MAMLD1: variants seen among roughly 807,000 people sequenced by gnomAD.
MAMLD1 encodes mastermind like domain containing 1.
In MAMLD1, 14 loss-of-function variants were observed where a neutral mutation model predicts 45.0. The observed-to-expected ratio is 0.31, with a 90% confidence interval of 0.21 to 0.49. The LOEUF (loss-of-function observed/expected upper bound fraction) is 0.49, where lower values mean the gene tolerates loss of function less well. Among genes scored for constraint, MAMLD1 ranks in the 20% least tolerant of loss-of-function variants. MAMLD1 has a pLI of 0.99. For missense variants in MAMLD1, 543 were observed against 603.6 expected (o/e 0.90, Z 1.05); for synonymous variants, 254 against 247.8 (o/e 1.02, Z -0.24).
intron 7 of MAMLD1, among the ~76,000 whole-genome samples, chrX:150,510,287 C>G (rs1333331611): frequency 8.9e-6 from 1 of 111,946 alleles, no homozygotes; most frequent in Non-Finnish European, 1.9e-5. Flanking sequence ...TGAGTCAGGC[C>G]CCTTAAAGCA....
At position 150,469,892 on chromosome X, in the gene MAMLD1, G is replaced by A; in HGVS notation, c.319G>A (p.Glu107Lys). 1 of 1,211,870 alleles carries A rather than the reference G, an allele frequency of 8.3e-7. No individual in the cohort carries two copies. The highest frequency in any genetic ancestry group is 1.8e-5 in the South Asian group (1 of 56,992). ...PGAHPSTACAELQVPPLTINP... is the reference protein window; with the variant it reads ...PGAHPSTACAKLQVPPLTINP... ...TGCTCATCCTAGTACTGCTTGTGCA[G>A]AACTGCAGGTCCCTCCATTGACAAT... is the stretch of plus-strand genomic sequence containing the variant. The change falls in exon 4 of 8, where the codon GAA (glutamate) becomes AAA (lysine). Residue 107 changes from glutamate to lysine, a missense_variant. Transcript: ENST00000370401.
intron 5 of MAMLD1, among the ~76,000 whole-genome samples, chrX:150,490,694 A>C (rs2283742): frequency 0.16 from 18,366 of 111,458 alleles, 1,330 homozygotes; most frequent in Admixed American, 0.29. Flanking sequence ...GAGGTTGTCT[A>C]GTTCGACTAC....
intron 5 of MAMLD1, among the ~76,000 whole-genome samples, chrX:150,482,969 C>T (rs1053036275): frequency 6.2e-5 from 7 of 112,072 alleles, no homozygotes; most frequent in African/African-American, 1.6e-4. Flanking sequence ...CTGGAAACAC[C>T]GGGATGACTC....
At chrX:150,496,941 T>C (rs2148348066) in intron 5 of MAMLD1, among the ~76,000 whole-genome samples, 1 of 112,822 alleles carries the variant, frequency 8.9e-6, no homozygotes, top group African/African-American at 3.2e-5. Context: ...ATTGGGTTAT[T>C]TTTCCCCTTG....
rs1474021725 is a variant in MAMLD1, at chrX:150,513,513, T to C, written c.*1554T>C. ...ATATGACCAAGAGTTGTTGTGCAAGTTGACAAATGCCAAATAGAAAACCAC... is the reference window on the plus strand; with the variant it reads ...ATATGACCAAGAGTTGTTGTGCAAGCTGACAAATGCCAAATAGAAAACCAC... On this transcript the variant is annotated 3_prime_UTR_variant, in exon 8 of 8. Coordinates refer to ENST00000370401, the MANE Select transcript of MAMLD1 (RefSeq NM_005491.5). 1.7e-5 allele frequency: 5 copies of C among 291,424 alleles called. No homozygotes were observed. The highest frequency in any genetic ancestry group is 3.0e-5 in the Non-Finnish European group (5 of 167,463). 24.0% of individuals were successfully genotyped at this position (291,424 alleles called of 1,213,427 possible).
chrX:150,425,970 C>G (rs369335236), intron 1 of MAMLD1, among the ~76,000 whole-genome samples: 1 of 111,819 alleles, frequency 8.9e-6, no homozygotes, highest in African/African-American at 3.3e-5. Flanking sequence ...TATGAGGAAA[C>G]TGAGTCCTAA....
chrX:150,426,674 G>A (rs1228733365), intron 1 of MAMLD1, among the ~76,000 whole-genome samples: 1 of 111,264 alleles, frequency 9.0e-6, no homozygotes, highest in African/African-American at 3.3e-5. Context: ...TAAATGCCAA[G>A]AGCCAAGGAC....
At chrX:150,452,829 A>G (rs2035711686) in intron 2 of MAMLD1, among the ~76,000 whole-genome samples, 1 of 93,321 alleles carries the variant, frequency 1.1e-5, no homozygotes, top group Non-Finnish European at 2.1e-5. Flanking sequence ...TTCAATTCCC[A>G]CCTATGAGTG....
intron 2 of MAMLD1, among the ~76,000 whole-genome samples, chrX:150,454,858 C>T (rs1253807668): frequency 9.0e-6 from 1 of 110,781 alleles, no homozygotes; most frequent in African/African-American, 3.3e-5. Flanking sequence ...CAATTGCCAC[C>T]ACCACATCCA....
chrX:150,466,630 G>A (rs2036228738), intron 3 of MAMLD1, among the ~76,000 whole-genome samples: 1 of 112,246 alleles, frequency 8.9e-6, no homozygotes. Flanking sequence ...CAGCAGTGGC[G>A]GCCTGCTGGG....
At chrX:150,444,935 A>T (rs1557404720) in intron 1 of MAMLD1, among the ~76,000 whole-genome samples, 1 of 111,450 alleles carries the variant, frequency 9.0e-6, no homozygotes, top group Non-Finnish European at 1.9e-5. Context: ...CTGTTAGCTC[A>T]CTTGGCTGTA....
At chrX:150,459,492 C>T (rs1000798633) in intron 2 of MAMLD1, among the ~76,000 whole-genome samples, 5 of 109,019 alleles carry the variant, frequency 4.6e-5, no homozygotes, top group Admixed American at 9.9e-5. Flanking sequence ...CCCACTTCTG[C>T]TTGAGGACAG....
At chrX:150,451,438 C>A (rs1431565282) in intron 2 of MAMLD1, among the ~76,000 whole-genome samples, 2 of 111,136 alleles carry the variant, frequency 1.8e-5, no homozygotes, top group Non-Finnish European at 3.8e-5. Context: ...CCTGGGGTTC[C>A]TCAAACTCTG....
Position 150,470,704 on chromosome X carries a change from T to G in MAMLD1, c.1131T>G (p.Gly377=). ...VSCMSSNTLS[G]STLRGSPNAL... Reference sequence around the variant, plus strand: ...GCATGTCGTCCAATACCTTGTCGGGTAGCACTCTCCGAGGCTCTCCCAATG... The same window carrying G: ...GCATGTCGTCCAATACCTTGTCGGGGAGCACTCTCCGAGGCTCTCCCAATG... The change falls in exon 4 of 8, where the codon GGT becomes GGG. Residue 377 remains glycine (G), a synonymous_variant. Transcript: ENST00000370401. 3 of 1,211,855 alleles carry G rather than the reference T, an allele frequency of 2.5e-6. No individual in the cohort carries two copies. Among genetic ancestry groups the G allele is most frequent in the Non-Finnish European group, 3.3e-6 (3 of 895,534 alleles).
intron 1 of MAMLD1, among the ~76,000 whole-genome samples, chrX:150,425,465 A>G (rs1303252789): frequency 2.7e-5 from 3 of 112,650 alleles, no homozygotes; most frequent in Non-Finnish European, 1.9e-5. Flanking sequence ...TATGCCTCAC[A>G]GCTCTTGTAT....
In MAMLD1 at chrX:150,394,129, C is replaced by CTTTTTTTTTTTTTTTTTTTTTTT. The variant is rs781904160; in HGVS notation, c.-64+30602_-64+30624dup. Among the ~76,000 whole-genome samples, 10 of 12,263 alleles carry CTTTTTTTTTTTTTTTTTTTTTTT rather than the reference C, an allele frequency of 8.2e-4. 2 individuals are homozygous for CTTTTTTTTTTTTTTTTTTTTTTT. Among genetic ancestry groups the CTTTTTTTTTTTTTTTTTTTTTTT allele is most frequent in the South Asian group, 0.015 (1 of 65 alleles). 10.6% of individuals were successfully genotyped at this position (12,263 alleles called of 115,157 possible). ...GGGGTGTAAGGTCTATATCTACATC[C>CTTTTTTTTTTTTTTTTTTTTTTT]TTTTTTTTTTTTTTTTTTTTTTTTT... On this transcript the variant is annotated intron_variant, in intron 1 of 7. Transcript: ENST00000370401.
intron 1 of MAMLD1, among the ~76,000 whole-genome samples, chrX:150,443,818 A>G (rs1557404671): frequency 1.8e-5 from 2 of 110,896 alleles, no homozygotes; most frequent in South Asian, 7.6e-4. Context: ...TTGTTGGTTG[A>G]AGCACTTTAA....
Position 150,470,713 on chromosome X carries a change from C to T in MAMLD1, c.1140C>T (p.Leu380=). 8.3e-7 allele frequency: 1 copy of T among 1,211,942 alleles called. No individual in the cohort carries two copies. The highest frequency in any genetic ancestry group is 1.1e-6 in the Non-Finnish European group (1 of 895,543). ...CCAATACCTTGTCGGGTAGCACTCTCCGAGGCTCTCCCAATGCCTTACTGT... is the reference window on the plus strand; with the variant it reads ...CCAATACCTTGTCGGGTAGCACTCTTCGAGGCTCTCCCAATGCCTTACTGT... ...MSSNTLSGST[L]RGSPNALLSS... The change falls in exon 4 of 8, where the codon CTC becomes CTT. Residue 380 remains leucine (L), a synonymous_variant. Transcript: ENST00000370401.
At chrX:150,476,978 A>G (rs1027016775) in intron 5 of MAMLD1, among the ~76,000 whole-genome samples, 1 of 112,957 alleles carries the variant, frequency 8.9e-6, no homozygotes, top group Non-Finnish European at 1.9e-5. Flanking sequence ...CACCCCTGGT[A>G]GACTGAACCC....
Sources: gnomAD v4.1 joint callset for allele counts (sites outside exome capture counted in the v4.1 genomes callset) on GRCh38, gnomAD v4.1.1 for gene constraint, MANE v1.5 for transcripts, NCBI Gene and HGNC (gene_info 2026-07-23, HGNC 2026-07-21) for gene names.